FRMD6: variants seen among roughly 807,000 people sequenced by gnomAD.
The protein encoded by FRMD6 is FERM domain-containing protein 6.
A neutral mutation model predicts 73.2 loss-of-function variants in FRMD6; 37 were observed. The ratio of observed to expected loss-of-function variants is 0.51; its 90% confidence interval spans 0.39 to 0.66. FRMD6 has a LOEUF of 0.66. FRMD6 is among the 30% of genes least tolerant of loss of function. FRMD6 has a pLI of 0.00. For missense variants in FRMD6, 714 were observed against 780.5 expected, an observed-to-expected ratio of 0.91 and a Z score of 1.02; for synonymous variants, 273 against 282.2, an observed-to-expected ratio of 0.97 and a Z score of 0.33.
chr14:51,646,248 G>A (rs956056106), intron 2 of FRMD6, among the ~76,000 whole-genome samples: 1 of 147,694 alleles, frequency 6.8e-6, no homozygotes, highest in Non-Finnish European at 1.5e-5. Context: ...AACCCAGGAG[G>A]CAGAGGTTGC....
chr14:51,480,351 G>A, the FRMD6 span, among the ~76,000 whole-genome samples: 2 of 152,142 alleles, frequency 1.3e-5, no homozygotes, highest in African/African-American at 4.8e-5. Context: ...TGAGATTTAC[G>A]GGGATCACAG....
intron 1 of FRMD6, chr14:51,523,015 T>C (rs1317644784): frequency 6.6e-6 from 1 of 152,158 alleles, no homozygotes; most frequent in East Asian, 1.9e-4. Flanking sequence ...AAAATCTGTA[T>C]GGAAATACAA....
chr14:51,492,722 G>C (rs904426078), intron 1 of FRMD6, among the ~76,000 whole-genome samples: 108 of 152,294 alleles, frequency 7.1e-4, no homozygotes, highest in African/African-American at 2.6e-3. Flanking sequence ...CAGGTAGTGT[G>C]TACCCAGTGT....
exon 1 of FRMD6, chr14:51,489,362 G>A (rs538057737): frequency 6.5e-6 from 1 of 152,720 alleles, no homozygotes; most frequent in African/African-American, 2.4e-5. Context: ...GAAGATTAAT[G>A]CCTGGAGTCT....
At chr14:51,707,374 C>T (rs1896684454) in intron 6 of FRMD6, among the ~76,000 whole-genome samples, 2 of 152,102 alleles carry the variant, frequency 1.3e-5, no homozygotes, top group African/African-American at 4.8e-5. Flanking sequence ...TTCTTTCCAT[C>T]TGTTAAGTTC....
chr14:51,513,119 C>T (rs1447673576), intron 1 of FRMD6, among the ~76,000 whole-genome samples: 2 of 152,176 alleles, frequency 1.3e-5, no homozygotes, highest in Non-Finnish European at 1.5e-5. Context: ...AGTGCCCCAC[C>T]CTCAGGGCCA....
the FRMD6 span, among the ~76,000 whole-genome samples, chr14:51,459,587 A>G: frequency 1.2e-4 from 19 of 152,110 alleles, no homozygotes; most frequent in South Asian, 1.0e-3. Flanking sequence ...CAGCACTTTG[A>G]GAGGCCGAGG....
chr14:51,573,875 A>T (rs1888269452), intron 2 of FRMD6, among the ~76,000 whole-genome samples: 1 of 152,228 alleles, frequency 6.6e-6, no homozygotes, highest in Non-Finnish European at 1.5e-5. Context: ...AAGTAACCTG[A>T]TGCTATTAAT....
At chr14:51,589,939 G>A (rs1285260592) in intron 2 of FRMD6, among the ~76,000 whole-genome samples, 2 of 152,076 alleles carry the variant, frequency 1.3e-5, no homozygotes, top group Non-Finnish European at 2.9e-5. Flanking sequence ...GTGGTGGCAG[G>A]CACCTGTAAT....
the FRMD6 span, among the ~76,000 whole-genome samples, chr14:51,412,579 C>A: frequency 6.6e-6 from 1 of 152,080 alleles, no homozygotes; most frequent in Non-Finnish European, 1.5e-5. Context: ...AGGCCGGGCG[C>A]GGTGGCTCAC....
intron 1 of FRMD6, among the ~76,000 whole-genome samples, chr14:51,527,852 A>G (rs769654469): frequency 4.6e-5 from 7 of 152,206 alleles, no homozygotes; most frequent in Non-Finnish European, 8.8e-5. Context: ...CTGTTCCAGC[A>G]TCTGGTCTGC....
chr14:51,413,826 C>A, the FRMD6 span, among the ~76,000 whole-genome samples: 3 of 152,056 alleles, frequency 2.0e-5, no homozygotes, highest in Admixed American at 6.6e-5. Context: ...ATCTGTTGTA[C>A]CCTGACTTTT....
chr14:51,416,175 T>C, the FRMD6 span, among the ~76,000 whole-genome samples: 1 of 152,204 alleles, frequency 6.6e-6, no homozygotes, highest in Non-Finnish European at 1.5e-5. Context: ...TGATCTTAGT[T>C]ATTTCTTGCC....
intron 1 of FRMD6, among the ~76,000 whole-genome samples, chr14:51,508,855 T>C (rs1243873221): frequency 6.6e-6 from 1 of 152,192 alleles, no homozygotes; most frequent in Non-Finnish European, 1.5e-5. Context: ...GGCCTTTCAC[T>C]CTCTTCCCAC....
chr14:51,570,029 A>G (rs778528832), intron 1 of FRMD6, among the ~76,000 whole-genome samples: 65 of 151,960 alleles, frequency 4.3e-4, no homozygotes, highest in Non-Finnish European at 4.9e-4. Flanking sequence ...GTTAGCCAGG[A>G]TGGTCTCGAT....
intron 1 of FRMD6, among the ~76,000 whole-genome samples, chr14:51,665,641 A>G (rs1017899235): frequency 2.6e-5 from 4 of 152,160 alleles, no homozygotes; most frequent in Non-Finnish European, 4.4e-5. Flanking sequence ...TATCAAATTT[A>G]TTTTAGATCT....
the FRMD6 span, among the ~76,000 whole-genome samples, chr14:51,475,134 G>A: frequency 6.6e-6 from 1 of 152,282 alleles, no homozygotes; most frequent in African/African-American, 2.4e-5. Context: ...GATGGTGTCA[G>A]AATACACAAA....
chr14:51,661,088 A>G (rs1286349993), intron 1 of FRMD6, among the ~76,000 whole-genome samples: 1 of 152,174 alleles, frequency 6.6e-6, no homozygotes, highest in African/African-American at 2.4e-5. Context: ...GGTTTTGTGC[A>G]GAGGAGTGAG....
chr14:51,468,035 T>A, the FRMD6 span, among the ~76,000 whole-genome samples: 89 of 152,102 alleles, frequency 5.9e-4, no homozygotes, highest in African/African-American at 2.0e-3. Flanking sequence ...CAGTCTGCAA[T>A]CCCGGCACCT....
Sources: gnomAD v4.1 joint callset for allele counts (sites outside exome capture counted in the v4.1 genomes callset) on GRCh38, gnomAD v4.1.1 for gene constraint, MANE v1.5 for transcripts, NCBI Gene and HGNC (gene_info 2026-07-23, HGNC 2026-07-21) for gene names.